Variants in TTC27 observed in about 807,000 individuals in gnomAD.
TTC27 encodes tetratricopeptide repeat protein 27.
Under a neutral mutation model 115.9 loss-of-function variants are expected in TTC27, and 79 were observed. That is an observed-to-expected ratio of 0.68 (90% CI 0.57 to 0.82). The LOEUF (loss-of-function observed/expected upper bound fraction) is 0.82. Among genes scored for constraint, TTC27 ranks in the 40% least tolerant of loss-of-function variants. TTC27 has a pLI of 0.00. For synonymous variants in TTC27, 401 were observed against 356.0 expected (o/e 1.13, Z -1.42); for missense variants, 1,054 against 993.1 (o/e 1.06, Z -0.82).
chr2:32,749,340 CA>C (rs1668933359), intron 12 of TTC27, among the ~76,000 whole-genome samples: 1 of 152,148 alleles, frequency 6.6e-6, no homozygotes, highest in Non-Finnish European at 1.5e-5. Flanking sequence ...AAAGGTGTTT[CA>C]AACCCATTCT....
intron 7 of TTC27, among the ~76,000 whole-genome samples, chr2:32,668,297 G>A (rs1665866842): frequency 6.6e-6 from 1 of 151,426 alleles, no homozygotes; most frequent in Non-Finnish European, 1.5e-5. Context: ...TTGAACCCAG[G>A]AGGTGGAGGC....
intron 13 of TTC27, among the ~76,000 whole-genome samples, chr2:32,764,821 C>G (rs1669570384): frequency 6.6e-6 from 1 of 152,232 alleles, no homozygotes; most frequent in Non-Finnish European, 1.5e-5. Flanking sequence ...CAAATTCCAT[C>G]TCAAGAAACC....
chr2:32,807,927 T>TC (rs1671187238), intron 16 of TTC27, among the ~76,000 whole-genome samples: 1 of 139,398 alleles, frequency 7.2e-6, no homozygotes, highest in African/African-American at 2.7e-5. Flanking sequence ...CTACTTGCCC[T>TC]CTTTTTTTTT....
intron 13 of TTC27, among the ~76,000 whole-genome samples, chr2:32,760,391 C>A (rs1267266298): frequency 6.6e-6 from 1 of 152,116 alleles, no homozygotes; most frequent in Admixed American, 6.5e-5. Flanking sequence ...CTCACGTAGT[C>A]ATTTTTGGTT....
chr2:32,653,911 T>A (rs1665226248), intron 5 of TTC27, among the ~76,000 whole-genome samples: 4 of 152,328 alleles, frequency 2.6e-5, no homozygotes, highest in Admixed American at 2.6e-4. Flanking sequence ...AACCTTGAGT[T>A]ATCTATCTTC....
chr2:32,712,300 C>A (rs577153135), intron 10 of TTC27, among the ~76,000 whole-genome samples: 2 of 152,284 alleles, frequency 1.3e-5, no homozygotes, highest in East Asian at 3.9e-4. Flanking sequence ...ATTAAAAACA[C>A]CCTGTCTTCT....
intron 8 of TTC27, among the ~76,000 whole-genome samples, chr2:32,676,215 A>G (rs1444883939): frequency 2.0e-5 from 3 of 151,866 alleles, no homozygotes; most frequent in Admixed American, 2.0e-4. Context: ...TGACGACCAA[A>G]TGCTGGAACT....
chr2:32,803,703 C>T (rs1671036027), intron 16 of TTC27, among the ~76,000 whole-genome samples: 1 of 151,990 alleles, frequency 6.6e-6, no homozygotes, highest in South Asian at 2.1e-4. Context: ...AAAATGAGCT[C>T]AGTACAAAAT....
At chr2:32,752,831 T>C (rs1427612213) in intron 12 of TTC27, among the ~76,000 whole-genome samples, 1 of 152,192 alleles carries the variant, frequency 6.6e-6, no homozygotes, top group Non-Finnish European at 1.5e-5. Context: ...TGGATCCTGC[T>C]CTTTCATAAT....
intron 12 of TTC27, among the ~76,000 whole-genome samples, chr2:32,738,983 A>G (rs989208694): frequency 2.0e-5 from 3 of 152,242 alleles, no homozygotes; most frequent in African/African-American, 7.2e-5. Flanking sequence ...AACAAGAGGC[A>G]TTAGATTATA....
At chr2:32,709,251 T>C (rs767510170) in intron 10 of TTC27, among the ~76,000 whole-genome samples, 5 of 152,182 alleles carry the variant, frequency 3.3e-5, no homozygotes, top group Non-Finnish European at 7.3e-5. Flanking sequence ...CTGGACTTAA[T>C]GACTCACTTC....
intron 10 of TTC27, among the ~76,000 whole-genome samples, chr2:32,730,265 C>T (rs778047887): frequency 6.6e-6 from 1 of 152,182 alleles, no homozygotes; most frequent in Non-Finnish European, 1.5e-5. Context: ...TAAAGCCATA[C>T]TCCTAGACCA....
At chr2:32,691,889 GT>G (rs1572519691) in intron 9 of TTC27, among the ~76,000 whole-genome samples, 1 of 151,886 alleles carries the variant, frequency 6.6e-6, no homozygotes, top group Non-Finnish European at 1.5e-5. Context: ...GCACACAAAT[GT>G]TATTTGTAAG....
At chr2:32,774,238 G>C (rs1390632031) in intron 13 of TTC27, among the ~76,000 whole-genome samples, 1 of 148,242 alleles carries the variant, frequency 6.7e-6, no homozygotes, top group African/African-American at 2.5e-5. Flanking sequence ...CCAGAGTGCA[G>C]TGGCGTGATT....
chr2:32,632,348 C>CA (rs572588203), intron 2 of TTC27, among the ~76,000 whole-genome samples: 210 of 152,156 alleles, frequency 1.4e-3, no homozygotes, highest in African/African-American at 4.9e-3. Flanking sequence ...ACTCTCATAG[C>CA]AACTAGCCTT....
chr2:32,807,576 A>C (rs1487400470), intron 16 of TTC27, among the ~76,000 whole-genome samples: 1 of 152,214 alleles, frequency 6.6e-6, no homozygotes, highest in African/African-American at 2.4e-5. Context: ...CAAATACACT[A>C]AATGCCTATG....
intron 18 of TTC27, among the ~76,000 whole-genome samples, chr2:32,815,927 A>T (rs2148051758): frequency 6.6e-6 from 1 of 152,308 alleles, no homozygotes; most frequent in Middle Eastern, 3.4e-3. Context: ...TGTCAAACCT[A>T]GTTCTTGCTG....
At chr2:32,683,718 A>T (rs1257347747) in intron 9 of TTC27, among the ~76,000 whole-genome samples, 1 of 152,232 alleles carries the variant, frequency 6.6e-6, no homozygotes, top group Non-Finnish European at 1.5e-5. Flanking sequence ...TCAGCTTGAT[A>T]ACTTAAAATT....
At chr2:32,635,145 G>A in intron 3 of TTC27, 1 of 152,164 alleles carries the variant, frequency 6.6e-6, no homozygotes. Flanking sequence ...TGCAGTTTGA[G>A]TTCCTCAGGA....
Sources: allele counts gnomAD v4.1 joint callset (sites outside exome capture counted in the v4.1 genomes callset), GRCh38; gene constraint gnomAD v4.1.1; transcripts MANE v1.5; gene names NCBI Gene and HGNC (gene_info 2026-07-23, HGNC 2026-07-21).